The following RAP1A variants were observed in gnomAD, a reference collection of about 807,000 sequenced individuals.
RAP1A encodes the protein ras-related protein Rap-1A.
In RAP1A, 6 loss-of-function variants were observed where a neutral mutation model predicts 26.4. The ratio of observed to expected loss-of-function variants is 0.23; its 90% confidence interval spans 0.12 to 0.45. RAP1A has a LOEUF of 0.45. Ranked by LOEUF, RAP1A falls within the 20% of genes least tolerant of loss-of-function variation. RAP1A has a pLI of 0.99. For missense variants in RAP1A, 121 were observed against 217.2 expected (o/e 0.56, Z 2.78); for synonymous variants, 73 against 79.4 (o/e 0.92, Z 0.43).
chr1:111,688,059 A>C (rs1571561729), intron 1 of RAP1A, among the ~76,000 whole-genome samples: 2 of 136,338 alleles, frequency 1.5e-5, no homozygotes, highest in East Asian at 2.1e-4. Context: ...AGACTTGTTC[A>C]CGATTTAAAT....
chr1:111,649,076 AT>A (rs1660173557), intron 1 of RAP1A: 2 of 611,172 alleles, frequency 3.3e-6, no homozygotes, highest in Non-Finnish European at 6.3e-6. Flanking sequence ...GCTCTGTCTC[AT>A]ACTTGACTCT....
At chr1:111,565,450 T>G (rs1324487623) in intron 1 of RAP1A, among the ~76,000 whole-genome samples, 2 of 152,198 alleles carry the variant, frequency 1.3e-5, no homozygotes, top group African/African-American at 4.8e-5. Flanking sequence ...AGCAGACAGC[T>G]ATATCACAGT....
chr1:111,629,897 C>T (rs1295802815), intron 1 of RAP1A, among the ~76,000 whole-genome samples: 1 of 152,146 alleles, frequency 6.6e-6, no homozygotes, highest in Non-Finnish European at 1.5e-5. Context: ...GATACTTCTG[C>T]CTGTTTGTCC....
At chr1:111,635,319 G>A (rs1032161769) in intron 1 of RAP1A, among the ~76,000 whole-genome samples, 1 of 152,144 alleles carries the variant, frequency 6.6e-6, no homozygotes, top group African/African-American at 2.4e-5. Context: ...TTATATAAAT[G>A]GTATGCAAAA....
intron 1 of RAP1A, among the ~76,000 whole-genome samples, chr1:111,557,353 C>T (rs994999395): frequency 6.6e-6 from 1 of 152,108 alleles, no homozygotes; most frequent in African/African-American, 2.4e-5. Flanking sequence ...TCAAGACCAT[C>T]CTGGCTAACA....
chr1:111,615,553 C>A (rs1658996616), upstream of RAP1A, among the ~76,000 whole-genome samples: 1 of 152,088 alleles, frequency 6.6e-6, no homozygotes, highest in Admixed American at 6.6e-5. Flanking sequence ...AAAATTCAGG[C>A]CAGGCGTGGT....
intron 1 of RAP1A, among the ~76,000 whole-genome samples, chr1:111,653,574 C>A (rs983594165): frequency 6.7e-6 from 1 of 149,094 alleles, no homozygotes; most frequent in East Asian, 2.0e-4. Context: ...ATCCCAGCTA[C>A]GTGGGAGGCT....
intron 4 of RAP1A, 125 bp downstream of exon 4, chr1:111,697,622 G>T: frequency 6.7e-7 from 1 of 1,485,434 alleles, no homozygotes; most frequent in South Asian, 1.4e-5. Context: ...GAAATTCTCT[G>T]AACATAGGGA....
At chr1:111,697,693 TG>T (rs1661879845) in intron 4 of RAP1A, among the ~76,000 whole-genome samples, 196 bp downstream of exon 4, 1 of 152,178 alleles carries the variant, frequency 6.6e-6, no homozygotes, top group Non-Finnish European at 1.5e-5. Flanking sequence ...AAAGTTCACC[TG>T]TAATAATCTG....
chr1:111,646,721 A>G (rs1230171805), intron 1 of RAP1A, among the ~76,000 whole-genome samples: 1 of 152,054 alleles, frequency 6.6e-6, no homozygotes, highest in African/African-American at 2.4e-5. Context: ...TTGTATTTTT[A>G]GTAGAGACGG....
chr1:111,705,316 C>T lies in RAP1A; in HGVS notation c.468+830C>T, dbSNP rs74109859. On this transcript the variant is annotated intron_variant, in intron 6 of 7. Transcript: ENST00000369709. ...ACAGGTAATCAGTCAGAATTCAGAT[C>T]ACTTAACTACATAGGTGAGAGTGAG... Among the ~76,000 whole-genome samples, 673 of 152,306 alleles carry T rather than the reference C, an allele frequency of 4.4e-3. 4 individuals carry two copies. Among genetic ancestry groups the T allele is most frequent in the African/African-American group, 0.014 (574 of 41,568 alleles).
At chr1:111,566,210 T>C (rs978469568) in intron 1 of RAP1A, among the ~76,000 whole-genome samples, 1 of 152,062 alleles carries the variant, frequency 6.6e-6, no homozygotes, top group South Asian at 2.1e-4. Context: ...ATGTGGAGCA[T>C]ACACTGAAGT....
intron 1 of RAP1A, among the ~76,000 whole-genome samples, chr1:111,678,762 GTT>G (rs59251403): frequency 6.9e-6 from 1 of 145,734 alleles, no homozygotes; most frequent in Non-Finnish European, 1.5e-5. Context: ...GTTCAGGTGG[GTT>G]TTTTTTTTTG....
chr1:111,555,362 T>TAAAAAAAAAAAAAAA (rs397981230), intron 1 of RAP1A, among the ~76,000 whole-genome samples: 8 of 47,640 alleles, frequency 1.7e-4, no homozygotes, highest in African/African-American at 9.5e-4. Flanking sequence ...TGAGACTCTG[T>TAAAAAAAAAAAAAAA]AAAAAAAAAA....
In RAP1A at chr1:111,593,652, CTTTTTTTTTT is replaced by C. The variant is rs994763442; in HGVS notation, c.-28+51161_-28+51170del. ...CTGGCAGCTTAAGTTATGACTCCTACTTTTTTTTTTTTTTTTTTTTTTTTTTTACCTTTCT... is the reference window on the plus strand; with the variant it reads ...CTGGCAGCTTAAGTTATGACTCCTACTTTTTTTTTTTTTTTTTACCTTTCT... On this transcript the variant is annotated intron_variant, in intron 1 of 7. Coordinates refer to the RAP1A transcript ENST00000356415. Among the ~76,000 whole-genome samples, 11 of 65,408 alleles carry C rather than the reference CTTTTTTTTTT, an allele frequency of 1.7e-4. No individual in the cohort carries two copies. The South Asian group carries it at 2.3e-3, about 14-fold the overall frequency. 42.9% of individuals were successfully genotyped at this position (65,408 alleles called of 152,430 possible).
At chr1:111,679,374 T>G (rs1249192856) in intron 1 of RAP1A, among the ~76,000 whole-genome samples, 1 of 152,172 alleles carries the variant, frequency 6.6e-6, no homozygotes, top group Non-Finnish European at 1.5e-5. Context: ...ACTACCCATT[T>G]CCCACAGTTT....
At chr1:111,654,485 C>T (rs535919794) in intron 1 of RAP1A, among the ~76,000 whole-genome samples, 1 of 152,256 alleles carries the variant, frequency 6.6e-6, no homozygotes, top group South Asian at 2.1e-4. Context: ...TTCAAATCCT[C>T]GTTCTGCCAT....
intron 1 of RAP1A, among the ~76,000 whole-genome samples, chr1:111,622,934 G>C (rs1345738993): frequency 6.6e-6 from 1 of 152,134 alleles, no homozygotes; most frequent in Non-Finnish European, 1.5e-5. Flanking sequence ...GTGTATGGTT[G>C]ATGATATTTT....
chr1:111,640,024 A>T (rs1659845657), intron 1 of RAP1A, among the ~76,000 whole-genome samples: 1 of 152,272 alleles, frequency 6.6e-6, no homozygotes, highest in Non-Finnish European at 1.5e-5. Context: ...GTGAATGTAC[A>T]CAAAACTGAG....
Sources: gnomAD v4.1 joint callset for allele counts (sites outside exome capture counted in the v4.1 genomes callset) on GRCh38, gnomAD v4.1.1 for gene constraint, MANE v1.5 for transcripts, NCBI Gene and HGNC (gene_info 2026-07-23, HGNC 2026-07-21) for gene names.